COL28A1: variants seen among roughly 807,000 people sequenced by gnomAD.
The protein encoded by COL28A1 is collagen type XXVIII alpha 1 chain, also known as collagen alpha-1(XXVIII) chain.
A neutral mutation model predicts 150.2 loss-of-function variants in COL28A1; 161 were observed. The ratio of observed to expected loss-of-function variants is 1.07; its 90% CI spans 0.94 to 1.22. The LOEUF is 1.22. Ranked by LOEUF, COL28A1 falls within the 50% of genes most tolerant of loss-of-function variation. The probability of loss-of-function intolerance (pLI) is 0.00; values close to 1 mark genes in which losing one functional copy is unlikely to be tolerated. For synonymous variants in COL28A1, 552 were observed against 469.7 expected, an observed-to-expected ratio of 1.18 and a Z score of -2.26; for missense variants, 1,617 against 1,388.3, an observed-to-expected ratio of 1.16 and a Z score of -2.62.
At chr7:7,463,661 G>C (rs1787820776) in intron 15 of COL28A1, among the ~76,000 whole-genome samples, 1 of 152,120 alleles carries the variant, frequency 6.6e-6, no homozygotes, top group South Asian at 2.1e-4. Context: ...TACAAGAACT[G>C]CCAAAAGGAG....
intron 18 of COL28A1, among the ~76,000 whole-genome samples, chr7:7,447,018 G>C (rs1264231218): frequency 6.6e-6 from 1 of 152,112 alleles, no homozygotes; most frequent in East Asian, 1.9e-4. Flanking sequence ...CATTGAACCA[G>C]GAATAGTGCC....
At chr7:7,541,536 G>A in the COL28A1 span, among the ~76,000 whole-genome samples, 1 of 152,100 alleles carries the variant, frequency 6.6e-6, no homozygotes. Context: ...ACACAATTTA[G>A]TCAGGACTCT....
At chr7:7,462,777 T>C (rs1787738522) in intron 15 of COL28A1, among the ~76,000 whole-genome samples, 1 of 151,576 alleles carries the variant, frequency 6.6e-6, no homozygotes, top group Non-Finnish European at 1.5e-5. Flanking sequence ...GATAATCACT[T>C]GAACCCGGGA....
intron 25 of COL28A1, among the ~76,000 whole-genome samples, chr7:7,427,857 C>T (rs915282232): frequency 5.9e-5 from 9 of 152,174 alleles, no homozygotes; most frequent in African/African-American, 2.2e-4. Flanking sequence ...AAAAGAGTGC[C>T]TAGATAGAAG....
downstream of COL28A1, chr7:7,357,543 CAGCTACGCAGGAGGTTGAGGCAGGAG>C (rs1780396951): frequency 1.3e-5 from 2 of 151,944 alleles, no homozygotes; most frequent in Admixed American, 1.3e-4. Context: ...CTTGTAATCC[CAGCTACGCAGGAGGTTGAGGCAGGAG>C]AATCGCTTGA....
Position 7,490,602 on chromosome 7 carries a change from A to T in COL28A1, c.1071T>A (p.Pro357=). The T allele has an allele frequency of 1.4e-6, 2 of 1,391,658 alleles. No individual in the cohort carries two copies. The highest frequency in any genetic ancestry group is 2.0e-6 in the Non-Finnish European group (2 of 977,996). 86.2% of individuals were successfully genotyped at this position (1,391,658 alleles called of 1,614,324 possible). The change falls in exon 12 of 35, where the codon CCT becomes CCA. Residue 357 remains proline, a synonymous_variant. Transcript: ENST00000399429. The part of the protein sequence containing the change: ...PPGPYGSPGA[P]GIGQQGIKGE... ...CCTTAATACCTTGCTGTCCAATTCCAGGAGCTCCTGGAGAACCATAAGGAC... is the reference window on the plus strand; with the variant it reads ...CCTTAATACCTTGCTGTCCAATTCCTGGAGCTCCTGGAGAACCATAAGGAC...
At chr7:7,392,296 T>C (rs1782592026) in intron 27 of COL28A1, among the ~76,000 whole-genome samples, 1 of 152,218 alleles carries the variant, frequency 6.6e-6, no homozygotes, top group Non-Finnish European at 1.5e-5. Flanking sequence ...ATGTTGAATA[T>C]TGGCTCCCAC....
intron 25 of COL28A1, among the ~76,000 whole-genome samples, chr7:7,427,012 G>A (rs750506968): frequency 1.3e-5 from 2 of 152,180 alleles, no homozygotes; most frequent in Non-Finnish European, 2.9e-5. Flanking sequence ...GGTGATGTGG[G>A]CAATGAATGT....
intron 20 of COL28A1, among the ~76,000 whole-genome samples, chr7:7,443,317 T>C (rs144317135): frequency 6.8e-4 from 103 of 152,344 alleles, no homozygotes; most frequent in Non-Finnish European, 1.0e-3. Context: ...CCTTCCTATG[T>C]GTTTTTTAAA....
At chr7:7,382,022 G>A (rs1781900136) in intron 27 of COL28A1, among the ~76,000 whole-genome samples, 1 of 152,006 alleles carries the variant, frequency 6.6e-6, no homozygotes, top group South Asian at 2.1e-4. Context: ...AAAAACACAT[G>A]TTATTGGCTG....
chr7:7,389,330 G>A (rs1459916123), intron 27 of COL28A1, among the ~76,000 whole-genome samples: 3 of 152,056 alleles, frequency 2.0e-5, no homozygotes, highest in African/African-American at 7.2e-5. Flanking sequence ...TATTTCTGAG[G>A]CTTCTGTTCT....
chr7:7,532,911 AC>A lies in COL28A1; in HGVS notation c.-37del, dbSNP rs1583589702. ...GGTGAAAAATCATCTGTCTTGTAGCACCTTTAATAGAAAAGTCAGTTACAAA... is the reference window on the plus strand; with the variant it reads ...GGTGAAAAATCATCTGTCTTGTAGCACTTTAATAGAAAAGTCAGTTACAAA... On this transcript the variant is annotated splice_region_variant and 5_prime_UTR_variant, in exon 2 of 35. Coordinates refer to ENST00000399429, the MANE Select transcript of COL28A1 (RefSeq NM_001037763.3). 4 of 1,536,606 alleles carry A rather than the reference AC, an allele frequency of 2.6e-6. No individual in the cohort carries two copies. The highest frequency in any genetic ancestry group is 3.5e-6 in the Non-Finnish European group (4 of 1,146,930).
chr7:7,514,759 T>G (rs539164646), intron 8 of COL28A1, among the ~76,000 whole-genome samples: 116 of 152,140 alleles, frequency 7.6e-4, no homozygotes, highest in African/African-American at 2.6e-3. Context: ...CAACTTCCCT[T>G]CCCACCTCCA....
At chr7:7,441,614 A>G (rs1785797070) in intron 20 of COL28A1, among the ~76,000 whole-genome samples, 1 of 151,872 alleles carries the variant, frequency 6.6e-6, no homozygotes, top group Non-Finnish European at 1.5e-5. Context: ...TTTAAAGTTG[A>G]GCAACAGAAT....
intron 22 of COL28A1, 120 bp downstream of exon 22, chr7:7,437,274 A>G (rs1266331219): frequency 1.4e-6 from 2 of 1,410,716 alleles, no homozygotes; most frequent in East Asian, 2.6e-5. Context: ...TTTCAGAGTT[A>G]AACGGAATCA....
At chr7:7,520,953 G>T (rs945455299) in intron 5 of COL28A1, among the ~76,000 whole-genome samples, 4 of 152,080 alleles carry the variant, frequency 2.6e-5, no homozygotes, top group African/African-American at 7.2e-5. Flanking sequence ...TTGTATTTGG[G>T]GAGAAAAACA....
intron 30 of COL28A1, among the ~76,000 whole-genome samples, chr7:7,377,714 C>G (rs567578848): frequency 6.6e-6 from 1 of 151,510 alleles, no homozygotes; most frequent in Non-Finnish European, 1.5e-5. Context: ...CTCACATGAT[C>G]CCTAGGCAGA....
At chr7:7,437,345 C>A in intron 22 of COL28A1, 49 bp downstream of exon 22, 1 of 1,546,794 alleles carries the variant, frequency 6.5e-7, no homozygotes, top group South Asian at 1.3e-5. Context: ...TTTTTTTCTC[C>A]AACTGCCAAA....
At chr7:7,406,059 G>T (rs563017350) in intron 27 of COL28A1, among the ~76,000 whole-genome samples, 19 of 152,094 alleles carry the variant, frequency 1.2e-4, no homozygotes, top group East Asian at 3.9e-4. Context: ...GTGATAATTT[G>T]ATCACAAAGG....
Sources: gnomAD v4.1 joint callset for allele counts (sites outside exome capture counted in the v4.1 genomes callset) on GRCh38, gnomAD v4.1.1 for gene constraint, MANE v1.5 for transcripts, NCBI Gene and HGNC (gene_info 2026-07-23, HGNC 2026-07-21) for gene names.